KLRF2: variants seen among roughly 807,000 people sequenced by gnomAD.
The protein encoded by KLRF2 is killer cell lectin-like receptor subfamily F member 2.
In KLRF2, 28 loss-of-function variants were observed where a neutral mutation model predicts 25.3. The observed-to-expected ratio is 1.11, with a 90% CI of 0.82 to 1.52. The LOEUF (loss-of-function observed/expected upper bound fraction) is 1.52. Ranked by LOEUF, KLRF2 falls within the 40% of genes most tolerant of loss-of-function variation. The pLI is 0.00. For synonymous variants in KLRF2, 73 were observed against 85.0 expected, an observed-to-expected ratio of 0.86 and a Z score of 0.78; for missense variants, 265 against 245.8, an observed-to-expected ratio of 1.08 and a Z score of -0.52.
intron 1 of KLRF2, among the ~76,000 whole-genome samples, chr12:9,882,642 A>G (rs1454294030): frequency 6.6e-6 from 1 of 152,094 alleles, no homozygotes; most frequent in East Asian, 1.9e-4. Context: ...TTAGCTGGGT[A>G]TGGTGGCGTG....
intron 2 of KLRF2, among the ~76,000 whole-genome samples, chr12:9,885,578 AG>A (rs1862585177): frequency 2.0e-5 from 3 of 151,978 alleles, no homozygotes; most frequent in Admixed American, 6.6e-5. Flanking sequence ...TTCTAAAAAT[AG>A]GTGAGTCCTA....
In KLRF2 at chr12:9,885,033, G is replaced by A. The variant is rs1251313663; in HGVS notation, c.169+1G>A. 29 of 1,189,542 alleles carry A rather than the reference G, an allele frequency of 2.4e-5. 1 individual carries two copies. Among genetic ancestry groups the A allele is most frequent in the Middle Eastern group, 2.0e-4 (1 of 4,882 alleles). The allele number at this position is 1,189,542 out of a possible 1,614,324, so 73.7% of individuals were successfully genotyped here. ...ACAGGGATTGACCTGAAGTTCTGGCGTGAGTAGTAAATTTTTATTTATTTG... is the reference window on the plus strand; with the variant it reads ...ACAGGGATTGACCTGAAGTTCTGGCATGAGTAGTAAATTTTTATTTATTTG... On this transcript the variant is annotated splice_donor_variant, in intron 2 of 5. Transcript: ENST00000535540. LOFTEE classifies it high-confidence loss of function.
At chr12:9,893,604 C>T in intron 5 of KLRF2, 63 bp downstream of exon 5, 1 of 563,570 alleles carries the variant, frequency 1.8e-6, no homozygotes, top group East Asian at 3.2e-5. Context: ...TATTAAACTT[C>T]TTCACTTTCC....
chr12:9,881,835 A>T (rs1157960739), intron 1 of KLRF2, among the ~76,000 whole-genome samples, 170 bp downstream of exon 1: 1 of 152,222 alleles, frequency 6.6e-6, no homozygotes, highest in African/African-American at 2.4e-5. Flanking sequence ...AACAATAAAA[A>T]GTCTGCATTT....
intron 1 of KLRF2, 129 bp from the exon 2 acceptor site, chr12:9,884,805 G>A (rs559437): frequency 0.8 from 298,497 of 374,102 alleles, 119,349 homozygotes; most frequent in South Asian, 0.85. Context: ...TTTATTTTTA[G>A]ATTTTCATTT....
At position 9,881,619 on chromosome 12, in the gene KLRF2, G is replaced by A; in HGVS notation, c.24G>A (p.Met8Ile). 1 of 1,535,340 alleles carries A rather than the reference G, an allele frequency of 6.5e-7. No individual in the cohort carries two copies. Among genetic ancestry groups the A allele is most frequent in the Non-Finnish European group, 8.7e-7 (1 of 1,146,282 alleles). The change falls in exon 1 of 6, where the codon ATG becomes ATA. Residue 8 changes from methionine to isoleucine, a missense_variant. By Grantham distance (10) the Met-to-Ile change is conservative. Coordinates refer to ENST00000535540, the MANE Select transcript of KLRF2 (RefSeq NM_001190765.1). MENEDGY[M>I]TLSFKNRCKS... ...AGATGGAGAATGAAGATGGGTATAT[G>A]ACGCTGAGTTTCAAGAATCGTTGTA... is the stretch of plus-strand genomic sequence containing the variant.
intron 3 of KLRF2, among the ~76,000 whole-genome samples, chr12:9,891,547 T>G (rs1198939409): frequency 6.6e-6 from 1 of 152,196 alleles, no homozygotes; most frequent in African/African-American, 2.4e-5. Flanking sequence ...CTAGTAATAG[T>G]TAATAAATAT....
chr12:9,892,127 GA>G (rs1862683598), intron 3 of KLRF2, among the ~76,000 whole-genome samples: 3 of 152,190 alleles, frequency 2.0e-5, no homozygotes, highest in African/African-American at 7.2e-5. Flanking sequence ...TATCAATTAT[GA>G]TATCTATGTG....
At chr12:9,883,115 A>C (rs1381116675) in intron 1 of KLRF2, among the ~76,000 whole-genome samples, 1 of 152,212 alleles carries the variant, frequency 6.6e-6, no homozygotes, top group Non-Finnish European at 1.5e-5. Context: ...TGCTTGCTAT[A>C]CATTTGCTTC....
intron 3 of KLRF2, among the ~76,000 whole-genome samples, chr12:9,889,878 T>C (rs1862653845): frequency 6.6e-6 from 1 of 152,110 alleles, no homozygotes; most frequent in South Asian, 2.1e-4. Context: ...AATCCCTATG[T>C]ACCTCAATTT....
At chr12:9,891,565 C>T (rs1480828432) in intron 3 of KLRF2, among the ~76,000 whole-genome samples, 1 of 152,186 alleles carries the variant, frequency 6.6e-6, no homozygotes, top group East Asian at 1.9e-4. Context: ...TATCCCCTCT[C>T]AAATCATAAC....
At chr12:9,894,126 TTCTCTCTCTCTCTCTC>T (rs141327204) in intron 5 of KLRF2, among the ~76,000 whole-genome samples, 2 of 130,290 alleles carry the variant, frequency 1.5e-5, no homozygotes, top group East Asian at 2.2e-4. Context: ...TTTCTTTTCT[TTCTCTCTCTCTCTCTC>T]TCTCTCTCTC....
intron 3 of KLRF2, among the ~76,000 whole-genome samples, chr12:9,889,563 G>A (rs1322499107): frequency 6.6e-6 from 1 of 151,850 alleles, no homozygotes; most frequent in Non-Finnish European, 1.5e-5. Context: ...CATCCTGTTG[G>A]CCTATTCTGT....
intron 3 of KLRF2, among the ~76,000 whole-genome samples, chr12:9,889,908 G>T (rs1238589684): frequency 6.6e-6 from 1 of 151,848 alleles, no homozygotes; most frequent in Non-Finnish European, 1.5e-5. Context: ...TAAATTGGGG[G>T]TGATAATGAC....
intron 3 of KLRF2, 81 bp from the exon 4 acceptor site, chr12:9,892,939 C>A: frequency 1.7e-6 from 2 of 1,160,768 alleles, no homozygotes; most frequent in South Asian, 1.7e-5. Flanking sequence ...ATCTATTTTC[C>A]AAGTAGTCAC....
chr12:9,888,779 A>G lies in KLRF2; in HGVS notation c.216A>G (p.Ser72=), dbSNP rs1862637393. Residue 72 remains serine, a splice_region_variant and synonymous_variant, in exon 3 of 6, where the codon TCA becomes TCG. Transcript: ENST00000535540. ...AGAATGTAAACGTCAGCAGTCTATC[A>G]GGTAATACTCTTTTTGTTTGTTATG... ...FSQNVNVSSL[S]GHNYLCPNDW... 12 of 1,496,852 alleles carry G rather than the reference A, an allele frequency of 8.0e-6. No individual in the cohort carries two copies. Among genetic ancestry groups the G allele is most frequent in the Non-Finnish European group, 1.1e-5 (12 of 1,111,608 alleles). The allele number at this position is 1,496,852 out of a possible 1,614,324, so 92.7% of individuals were successfully genotyped here.
At chr12:9,894,095 CTT>C (rs1037677181) in intron 5 of KLRF2, among the ~76,000 whole-genome samples, 20 of 149,510 alleles carry the variant, frequency 1.3e-4, no homozygotes, top group Admixed American at 7.3e-4. Flanking sequence ...TCTTCTTTCT[CTT>C]TCTCTCTTTT....
At chr12:9,894,820 G>GA (rs1862738806) in intron 5 of KLRF2, among the ~76,000 whole-genome samples, 1 of 151,208 alleles carries the variant, frequency 6.6e-6, no homozygotes, top group Non-Finnish European at 1.5e-5. Flanking sequence ...TGCAATATTT[G>GA]AAAAAAAGTA....
rs1259554484 is a variant in KLRF2, at chr12:9,881,655, G to A, written c.60G>A (p.Gln20=). The change falls in exon 1 of 6, where the codon CAG becomes CAA. Residue 20 remains glutamine, a synonymous_variant. Coordinates refer to ENST00000535540, the MANE Select transcript of KLRF2 (RefSeq NM_001190765.1). ...TCAAGAATCGTTGTAAATCGAAGCA[G>A]AAATCTAAAGGTAGGAATACTGCTC... ...LSFKNRCKSK[Q]KSKDFSLYPQ... is the part of the protein sequence containing the mutation. The A allele has an allele frequency of 1.3e-6, 2 of 1,534,746 alleles. No individual in the cohort carries two copies. Among genetic ancestry groups the A allele is most frequent in the East Asian group, 2.4e-5 (1 of 40,848 alleles).
Sources: allele counts gnomAD v4.1 joint callset (sites outside exome capture counted in the v4.1 genomes callset), GRCh38; gene constraint gnomAD v4.1.1; transcripts MANE v1.5; gene names NCBI Gene and HGNC (gene_info 2026-07-23, HGNC 2026-07-21).